Variants in NCS1 observed in about 807,000 individuals in gnomAD.
NCS1 encodes the protein neuronal calcium sensor 1.
In NCS1, 6 loss-of-function variants were observed where a neutral mutation model predicts 28.4. The ratio of observed to expected loss-of-function variants is 0.21; its 90% CI spans 0.12 to 0.42. The LOEUF is 0.42. NCS1 is among the 10% of genes least tolerant of loss of function. The pLI is 1.00. For missense variants in NCS1, 131 were observed against 241.4 expected (o/e 0.54, Z 3.03); for synonymous variants, 86 against 99.3 (o/e 0.87, Z 0.79).
At chr9:130,216,717 A>G (rs1554909433) in intron 2 of NCS1, among the ~76,000 whole-genome samples, 1 of 145,176 alleles carries the variant, frequency 6.9e-6, no homozygotes, top group African/African-American at 2.5e-5. Flanking sequence ...CTCTGTCTCA[A>G]AAAAAAAAAA....
chr9:130,211,452 T>C (rs1833110948), intron 2 of NCS1, among the ~76,000 whole-genome samples: 1 of 151,298 alleles, frequency 6.6e-6, no homozygotes, highest in African/African-American at 2.4e-5. Flanking sequence ...CCTGGTGCCA[T>C]CTCTACTCCT....
chr9:130,214,416 T>G (rs1833156161), intron 2 of NCS1, among the ~76,000 whole-genome samples: 1 of 152,030 alleles, frequency 6.6e-6, no homozygotes, highest in East Asian at 1.9e-4. Context: ...GGGAATCAAC[T>G]CCGAATGCAA....
rs760761269 is a variant in NCS1 at position 130,175,657 on chromosome 9, G to A, written c.64+2930G>A. Among the ~76,000 whole-genome samples the A allele has an allele frequency of 8.5e-5, 13 of 152,184 alleles. No homozygotes were observed. The highest frequency in any genetic ancestry group is 1.9e-4 in the Non-Finnish European group (13 of 68,030). On this transcript the variant is annotated intron_variant, in intron 1 of 7. Transcript: ENST00000372398. This position sits in a 1 kb window ranked among gnomAD's most constrained non-coding sequence, Gnocchi z 4.9. ...GTGCTGGGCAGTGTCCTTGGTGGGC[G>A]TCTCTGGCTCTGTCTGTGGTGGTCT...
intron 1 of NCS1, among the ~76,000 whole-genome samples, chr9:130,182,202 T>C (rs1381925543): frequency 6.6e-6 from 1 of 152,086 alleles, no homozygotes; most frequent in African/African-American, 2.4e-5. Flanking sequence ...CCCAGGCAAG[T>C]TCAGGGACAC....
rs1832721667 is a variant in NCS1 at position 130,185,102 on chromosome 9, C to T, written c.64+12375C>T. On this transcript the variant is annotated intron_variant, in intron 1 of 7. Transcript: ENST00000372398. ...GCCATGGATGGGACCCATCCTCGTC[C>T]ACACTCGCATCAAAGCCCAGCGGCT... Among the ~76,000 whole-genome samples the T allele has an allele frequency of 2.0e-5, 3 of 152,292 alleles. No individual in the cohort carries two copies. In the South Asian group the frequency reaches 6.2e-4, roughly 32 times the overall value.
At chr9:130,218,025 C>T (rs73545583) in intron 3 of NCS1, 55 bp downstream of exon 3, 74 of 1,608,892 alleles carry the variant, frequency 4.6e-5, no homozygotes, top group African/African-American at 3.9e-4. Flanking sequence ...TGTGGGTACC[C>T]GCAGCGTCTC....
At chr9:130,205,120 C>T (rs1554907905) in intron 2 of NCS1, among the ~76,000 whole-genome samples, 1 of 151,828 alleles carries the variant, frequency 6.6e-6, no homozygotes, top group Admixed American at 6.6e-5. Context: ...AGAGGTCAGG[C>T]AAGGCTGCTC....
Position 130,232,537 on chromosome 9 carries a change from C to T in NCS1, c.*18-453C>T, listed in dbSNP as rs989012545. Among the ~76,000 whole-genome samples, 2 of 152,036 alleles carry T rather than the reference C, an allele frequency of 1.3e-5. No homozygotes were observed. Among genetic ancestry groups the T allele is most frequent in the South Asian group, 4.1e-4 (2 of 4,824 alleles). On this transcript the variant is annotated intron_variant, in intron 7 of 7. Coordinates refer to ENST00000372398, the MANE Select transcript of NCS1 (RefSeq NM_014286.4). The surrounding 1 kb of genome is among the most constrained non-coding windows in gnomAD (Gnocchi z 4.4). ...GTGGCTCACGCCTGTAATCCCAGCACTTTGGGAGGCCGAGGCGGGTCTATC... is the reference window on the plus strand; with the variant it reads ...GTGGCTCACGCCTGTAATCCCAGCATTTTGGGAGGCCGAGGCGGGTCTATC...
intron 1 of NCS1, among the ~76,000 whole-genome samples, chr9:130,195,653 G>A (rs1019129462): frequency 6.6e-6 from 1 of 152,216 alleles, no homozygotes; most frequent in Non-Finnish European, 1.5e-5. Context: ...CGAACTCCTG[G>A]CCTCGAGTAA....
At chr9:130,220,781 G>T (rs1192263641) in intron 4 of NCS1, among the ~76,000 whole-genome samples, 2 of 149,696 alleles carry the variant, frequency 1.3e-5, no homozygotes, top group African/African-American at 4.9e-5. Context: ...AAATAAAAGA[G>T]AACTTTATTT....
Position 130,180,107 on chromosome 9 carries a change from T to C in NCS1, c.64+7380T>C, listed in dbSNP as rs1163755718. Among the ~76,000 whole-genome samples the C allele has an allele frequency of 6.6e-6, 1 of 152,172 alleles. No individual in the cohort carries two copies. Among genetic ancestry groups the C allele is most frequent in the Non-Finnish European group, 1.5e-5 (1 of 68,030 alleles). ...TAGAGTGCAGTGGCGCGATCTCGGC[T>C]CACTATAATCGCCACCTCCCGGGTT... On this transcript the variant is annotated intron_variant, in intron 1 of 7. Transcript: ENST00000372398. This position sits in a 1 kb window ranked among gnomAD's most constrained non-coding sequence, Gnocchi z 4.5.
intron 1 of NCS1, among the ~76,000 whole-genome samples, chr9:130,199,572 C>A (rs1554907212): frequency 6.6e-6 from 1 of 152,236 alleles, no homozygotes; most frequent in African/African-American, 2.4e-5. Context: ...CTTGCCACTT[C>A]CTGATCTCTT....
chr9:130,185,109 G>T (rs1221383333), intron 1 of NCS1, among the ~76,000 whole-genome samples: 6 of 152,174 alleles, frequency 3.9e-5, no homozygotes, highest in Non-Finnish European at 8.8e-5. Context: ...GTCCACACTC[G>T]CATCAAAGCC....
At chr9:130,187,184 C>T (rs1374917465) in intron 1 of NCS1, among the ~76,000 whole-genome samples, 1 of 152,174 alleles carries the variant, frequency 6.6e-6, no homozygotes, top group Non-Finnish European at 1.5e-5. Flanking sequence ...ACGGGGGGCC[C>T]TGCCCAGGGA....
intron 2 of NCS1, among the ~76,000 whole-genome samples, chr9:130,202,579 GTTTTT>G (rs11329541): frequency 8.2e-6 from 1 of 122,672 alleles, no homozygotes; most frequent in Non-Finnish European, 1.7e-5. Context: ...TCAAATCCAT[GTTTTT>G]TTTTTTTTTT....
chr9:130,208,880 G>A (rs1833069413), intron 2 of NCS1, among the ~76,000 whole-genome samples: 3 of 152,114 alleles, frequency 2.0e-5, no homozygotes, highest in Admixed American at 1.3e-4. Context: ...ACAGCTCTGT[G>A]TGTGTGTGTG....
intron 3 of NCS1, among the ~76,000 whole-genome samples, chr9:130,218,288 A>G (rs1395364078): frequency 2.0e-5 from 3 of 152,242 alleles, no homozygotes; most frequent in Non-Finnish European, 4.4e-5. Context: ...CCATGCACAC[A>G]TGTGGGCACA....
intron 1 of NCS1, among the ~76,000 whole-genome samples, chr9:130,176,488 A>C (rs1208163128): frequency 7.9e-5 from 12 of 151,808 alleles, no homozygotes; most frequent in African/African-American, 2.7e-4. Context: ...GAGCCACCGC[A>C]CCCGGCCTTA....
At chr9:130,213,099 G>T (rs577781301) in intron 2 of NCS1, among the ~76,000 whole-genome samples, 1 of 152,178 alleles carries the variant, frequency 6.6e-6, no homozygotes, top group African/African-American at 2.4e-5. Context: ...ACACGGGGGC[G>T]GTGCAGCCTG....
Sources: allele counts gnomAD v4.1 joint callset (sites outside exome capture counted in the v4.1 genomes callset), GRCh38; gene constraint gnomAD v4.1.1; non-coding constraint Gnocchi (gnomAD v3.1); transcripts MANE v1.5; gene names NCBI Gene and HGNC (gene_info 2026-07-23, HGNC 2026-07-21).